The following USP15 variants were observed in gnomAD, a reference collection of about 807,000 sequenced individuals.
USP15 encodes the protein ubiquitin specific peptidase 15.
Under a neutral mutation model 127.1 loss-of-function variants are expected in USP15, and 18 were observed. The observed-to-expected ratio is 0.14, with a 90% CI of 0.10 to 0.21. The LOEUF (loss-of-function observed/expected upper bound fraction) is 0.21, where lower values mean the gene tolerates loss of function less well. Ranked by LOEUF, USP15 falls within the 10% of genes least tolerant of loss-of-function variation. The probability of loss-of-function intolerance (pLI) is 1.00; values close to 1 mark genes in which losing one functional copy is unlikely to be tolerated. For missense variants in USP15, 805 were observed against 1,159.9 expected (o/e 0.69, Z 4.44); for synonymous variants, 364 against 393.7 (o/e 0.92, Z 0.89).
chr12:62,314,819 C>T lies in USP15; in HGVS notation c.378C>T (p.His126=). ...TTGAACAGGGTATGTTTGTAAAGCA[C>T]TGCAAAGTAGAAGTATATCTCACAG... ...KVVEQGMFVK[H]CKVEVYLTEL... The change falls in exon 4 of 22, where the codon CAC becomes CAT. Residue 126 remains histidine (H), a synonymous_variant. Coordinates refer to ENST00000280377, the MANE Select transcript of USP15 (RefSeq NM_001252078.2). The T allele has an allele frequency of 1.3e-6, 2 of 1,590,556 alleles. No individual in the cohort carries two copies. The highest frequency in any genetic ancestry group is 1.7e-6 in the Non-Finnish European group (2 of 1,168,426).
chr12:62,382,526 G>A lies in USP15; in HGVS notation c.1089+863G>A, dbSNP rs143716066. ...AACATTCTAAACTTTGGACAAACTA[G>A]TCCAGACAAACCATCTCTCAGCTCT... On this transcript the variant is annotated intron_variant, in intron 9 of 21. Coordinates refer to ENST00000280377, the MANE Select transcript of USP15 (RefSeq NM_001252078.2). 6.4e-4 allele frequency among the ~76,000 whole-genome samples: 97 copies of A among 152,024 alleles called. 1 individual carries two copies. Among genetic ancestry groups the A allele is most frequent in the Middle Eastern group, 3.4e-3 (1 of 292 alleles).
At chr12:62,388,117 A>T (rs796914159) in intron 11 of USP15, among the ~76,000 whole-genome samples, 1,951 of 106,688 alleles carry the variant, frequency 0.018, 41 homozygotes, top group South Asian at 0.028. Flanking sequence ...AATGGTGAAG[A>T]TTTTTTTTTT....
At chr12:62,322,487 C>T (rs192555152) in intron 5 of USP15, among the ~76,000 whole-genome samples, 176 of 147,776 alleles carry the variant, frequency 1.2e-3, no homozygotes, top group African/African-American at 4.4e-3. Flanking sequence ...TCACTGTCAG[C>T]AAGTCCTACT....
chr12:62,335,212 A>G, intron 6 of USP15: 1 of 1,535,526 alleles, frequency 6.5e-7, no homozygotes, highest in East Asian at 2.4e-5. Context: ...ATTTCCACAT[A>G]CGTCACAGAA....
intron 20 of USP15, among the ~76,000 whole-genome samples, chr12:62,398,276 T>C (rs79323454): frequency 0.022 from 3,352 of 152,252 alleles, 126 homozygotes; most frequent in African/African-American, 0.075. Context: ...TACAGGTGCA[T>C]GCCACGACAC....
At chr12:62,282,340 T>A (rs1467820469) in intron 1 of USP15, among the ~76,000 whole-genome samples, 3 of 151,792 alleles carry the variant, frequency 2.0e-5, no homozygotes, top group Non-Finnish European at 4.4e-5. Flanking sequence ...CAAAAAAAAA[T>A]AAATAAATAA....
intron 8 of USP15, among the ~76,000 whole-genome samples, chr12:62,376,192 TAGG>T (rs2066822982): frequency 6.6e-6 from 1 of 151,546 alleles, no homozygotes; most frequent in Non-Finnish European, 1.5e-5. Context: ...ATAACTTACA[TAGG>T]AGCATTTGAA....
In USP15 at chr12:62,412,762, G is replaced by T. The variant is rs1275351386; in HGVS notation, c.*8387G>T. The T allele has an allele frequency of 6.6e-6, 1 of 152,116 alleles. No individual in the cohort carries two copies. The highest frequency in any genetic ancestry group is 1.5e-5 in the Non-Finnish European group (1 of 68,028). The allele number at this position is 152,116 out of a possible 1,614,324, so 9.4% of individuals were successfully genotyped here. A position where few individuals can be genotyped will look rare whatever the true frequency, so the allele number is the denominator to read the frequency against. ...TTGTAGTTCTCTTGCTATTTTCACC[G>T]CATCTGCAGTTACTGCCGCCACTGA... On this transcript the variant is annotated 3_prime_UTR_variant, in exon 22 of 22. Coordinates refer to ENST00000280377, the MANE Select transcript of USP15 (RefSeq NM_001252078.2).
chr12:62,343,324 C>T (rs2065704035), intron 6 of USP15, among the ~76,000 whole-genome samples: 1 of 152,164 alleles, frequency 6.6e-6, no homozygotes, highest in Admixed American at 6.5e-5. Context: ...AATTTCCAGC[C>T]AGTGGTTCCT....
At chr12:62,336,466 C>T (rs1020505949) in intron 6 of USP15, 1 of 985,398 alleles carries the variant, frequency 1.0e-6, no homozygotes, top group Non-Finnish European at 1.2e-6. Flanking sequence ...ATTCTGCCTC[C>T]TCACCTGAAG....
intron 7 of USP15, among the ~76,000 whole-genome samples, chr12:62,352,645 T>G (rs17717038): frequency 0.013 from 1,949 of 152,134 alleles, 36 homozygotes; most frequent in East Asian, 0.026. Flanking sequence ...CTGTGAATTT[T>G]GGAAACTACC....
chr12:62,354,068 A>C (rs1592653046), intron 7 of USP15, among the ~76,000 whole-genome samples: 1 of 151,492 alleles, frequency 6.6e-6, no homozygotes, highest in Admixed American at 6.6e-5. Flanking sequence ...GTAGGCCAAC[A>C]TTGTATGTGT....
chr12:62,337,345 A>G (rs1360602567), intron 6 of USP15, among the ~76,000 whole-genome samples: 3 of 152,150 alleles, frequency 2.0e-5, no homozygotes, highest in African/African-American at 4.8e-5. Flanking sequence ...GGTTTATTGG[A>G]TTTACAGTTC....
At chr12:62,270,892 C>T (rs1166233697) in intron 1 of USP15, among the ~76,000 whole-genome samples, 1 of 152,042 alleles carries the variant, frequency 6.6e-6, no homozygotes, top group East Asian at 1.9e-4. Flanking sequence ...ATGACACACT[C>T]ATCTTTTTGC....
At chr12:62,357,031 T>G (rs1157127045) in intron 8 of USP15, among the ~76,000 whole-genome samples, 1 of 152,090 alleles carries the variant, frequency 6.6e-6, no homozygotes, top group African/African-American at 2.4e-5. Flanking sequence ...TGGTTCCAGA[T>G]GCTTGATATC....
At chr12:62,267,101 C>T (rs942741547) in intron 1 of USP15, 1 of 152,090 alleles carries the variant, frequency 6.6e-6, no homozygotes, top group Non-Finnish European at 1.5e-5. Flanking sequence ...AATTTTTCAA[C>T]AATTACTAAA....
rs1319399434 is a variant in USP15, at chr12:62,405,336, A to G, written c.*961A>G. On this transcript the variant is annotated 3_prime_UTR_variant, in exon 22 of 22. Transcript: ENST00000280377. ...ATTTTTTTCATATACTGGCCTTTAAATCATTAATGGACAATTGGCTATAAA... is the reference window on the plus strand; with the variant it reads ...ATTTTTTTCATATACTGGCCTTTAAGTCATTAATGGACAATTGGCTATAAA... 1 of 152,360 alleles carries G rather than the reference A, an allele frequency of 6.6e-6. No homozygotes were observed. Among genetic ancestry groups the G allele is most frequent in the Admixed American group, 6.5e-5 (1 of 15,284 alleles). The allele number at this position is 152,360 out of a possible 1,614,324, so 9.4% of individuals were successfully genotyped here. A position where few individuals can be genotyped will look rare whatever the true frequency, so the allele number is the denominator to read the frequency against.
At chr12:62,270,496 T>C (rs1290600660) in intron 1 of USP15, among the ~76,000 whole-genome samples, 1 of 152,158 alleles carries the variant, frequency 6.6e-6, no homozygotes, top group East Asian at 1.9e-4. Context: ...TAGTTCTGGC[T>C]CTTACATTTA....
chr12:62,319,518 G>C (rs907034990), intron 4 of USP15, among the ~76,000 whole-genome samples: 4 of 152,168 alleles, frequency 2.6e-5, no homozygotes, highest in African/African-American at 9.7e-5. Flanking sequence ...GGTCACAGAA[G>C]TGTATATAAT....
Sources: gnomAD v4.1 joint callset for allele counts (sites outside exome capture counted in the v4.1 genomes callset) on GRCh38, gnomAD v4.1.1 for gene constraint, MANE v1.5 for transcripts, NCBI Gene and HGNC (gene_info 2026-07-23, HGNC 2026-07-21) for gene names.